The following SYT16 variants were observed in gnomAD, a reference collection of about 807,000 sequenced individuals.
SYT16 encodes the protein synaptotagmin-16.
SYT16 carries 42 observed loss-of-function variants against 61.4 expected under a neutral mutation model. The observed-to-expected ratio is 0.68, with a 90% CI of 0.53 to 0.89. The LOEUF (loss-of-function observed/expected upper bound fraction) is 0.89. Ranked by LOEUF, SYT16 falls within the 40% of genes least tolerant of loss-of-function variation. SYT16 has a pLI of 0.00. For synonymous variants in SYT16, 314 were observed against 302.3 expected, an observed-to-expected ratio of 1.04 and a Z score of -0.40; for missense variants, 804 against 807.3, an observed-to-expected ratio of 1.00 and a Z score of 0.05.
chr14:61,860,087 C>T (rs2046918964), intron 1 of SYT16, among the ~76,000 whole-genome samples: 1 of 152,094 alleles, frequency 6.6e-6, no homozygotes, highest in African/African-American at 2.4e-5. Context: ...TGGTTCAGTA[C>T]GTTTTAATGG....
chr14:62,069,937 G>T (rs530799303), intron 4 of SYT16, 122 bp downstream of exon 4: 57 of 1,146,624 alleles, frequency 5.0e-5, no homozygotes, highest in Middle Eastern at 5.9e-4. Context: ...AATGAGGCAG[G>T]ATGCATTACG....
Position 62,084,186 on chromosome 14 carries a change from T to G in SYT16, c.1435-10T>G, listed in dbSNP as rs754346792. ...GGGCCAATGGATTCTTTGTTGTTCT[T>G]CCCCTCCAGAGTGGAGGGTCTCCGC... On this transcript the variant is annotated splice_polypyrimidine_tract_variant and intron_variant, in intron 6 of 7. Transcript: ENST00000683842. 1 of 1,610,620 alleles carries G rather than the reference T, an allele frequency of 6.2e-7. No individual in the cohort carries two copies. Among genetic ancestry groups the G allele is most frequent in the South Asian group, 1.1e-5 (1 of 90,588 alleles).
Position 61,813,949 on chromosome 14 carries a change from T to G in SYT16, c.-325+1139T>G, listed in dbSNP as rs543115633. 8.7e-4 allele frequency among the ~76,000 whole-genome samples: 132 copies of G among 151,942 alleles called. 1 individual carries two copies. The highest frequency in any genetic ancestry group is 3.1e-3 in the African/African-American group (129 of 41,462). ...TTTAGGATAGTGTGGAGAGCTTGAG[T>G]TTTTGTAGTCAAACAGACCTGTATT... On this transcript the variant is annotated intron_variant, in intron 1 of 7. Coordinates refer to ENST00000683842, the MANE Select transcript of SYT16 (RefSeq NM_001367656.1).
At chr14:62,060,052 G>T (rs1454044631) in intron 3 of SYT16, among the ~76,000 whole-genome samples, 4 of 152,006 alleles carry the variant, frequency 2.6e-5, no homozygotes, top group Non-Finnish European at 5.9e-5. Context: ...TCAGATAGGT[G>T]GGTCCCCCTA....
At chr14:61,891,287 C>T (rs140613011) in intron 1 of SYT16, among the ~76,000 whole-genome samples, 2 of 151,512 alleles carry the variant, frequency 1.3e-5, no homozygotes, top group Non-Finnish European at 2.9e-5. Context: ...ATCCATCTCT[C>T]TCTTGCTTTT....
chr14:61,813,537 A>G (rs1259649329), intron 1 of SYT16, among the ~76,000 whole-genome samples: 1 of 152,230 alleles, frequency 6.6e-6, no homozygotes. Context: ...GAGTAAAACC[A>G]AGTCACACCT....
chr14:61,823,032 G>T (rs370743208), intron 1 of SYT16, among the ~76,000 whole-genome samples: 1 of 151,506 alleles, frequency 6.6e-6, no homozygotes. Flanking sequence ...CATTTTTGTC[G>T]CCCAGGTTGG....
intron 3 of SYT16, among the ~76,000 whole-genome samples, chr14:62,030,656 G>T (rs1226802463): frequency 6.6e-6 from 1 of 152,148 alleles, no homozygotes; most frequent in Non-Finnish European, 1.5e-5. Flanking sequence ...TAGGTATAAA[G>T]GTTTTTGTTT....
At chr14:62,080,771 C>G in intron 5 of SYT16, 63 bp from the exon 6 acceptor site, 1 of 1,516,162 alleles carries the variant, frequency 6.6e-7, no homozygotes, top group South Asian at 1.3e-5. Flanking sequence ...GGGGCACCAA[C>G]TGGCCAAAAT....
chr14:61,974,216 G>A (rs2051687511), intron 2 of SYT16, among the ~76,000 whole-genome samples: 2 of 152,134 alleles, frequency 1.3e-5, no homozygotes. Context: ...GATAGCAGAG[G>A]AATGAGTCAA....
chr14:62,041,087 G>A (rs1398668402), intron 3 of SYT16, among the ~76,000 whole-genome samples: 1 of 152,080 alleles, frequency 6.6e-6, no homozygotes, highest in Non-Finnish European at 1.5e-5. Context: ...GGAAGCATCC[G>A]GCATGGGAGA....
chr14:62,063,721 A>C (rs570609098), intron 3 of SYT16, among the ~76,000 whole-genome samples: 1 of 148,378 alleles, frequency 6.7e-6, no homozygotes, highest in East Asian at 2.0e-4. Context: ...AATGATTAAA[A>C]ATTAGAGAGA....
Position 62,040,313 on chromosome 14 carries a change from AAGAG to A in SYT16, c.524-29286_524-29283del, listed in dbSNP as rs1245384237. ...GAAAATCAAGATATTGTTACTGAAA[AAGAG>A]AGAAAGATGCTAGAGGGTCAAAGTT... On this transcript the variant is annotated intron_variant, in intron 3 of 7. Coordinates refer to ENST00000683842, the MANE Select transcript of SYT16 (RefSeq NM_001367656.1). Among the ~76,000 whole-genome samples, 5 of 152,312 alleles carry A rather than the reference AAGAG, an allele frequency of 3.3e-5. No homozygotes were observed. In the East Asian group the frequency reaches 9.6e-4, roughly 29 times the overall value.
chr14:61,997,072 A>T lies in SYT16; in HGVS notation c.523+530A>T, dbSNP rs1460538688. Reference sequence around the variant, plus strand: ...TGATTTTCTTTTAGCTCTGAATGGTAAGGACACATTTAATAAAAACTGCCT... The same window carrying T: ...TGATTTTCTTTTAGCTCTGAATGGTTAGGACACATTTAATAAAAACTGCCT... On this transcript the variant is annotated intron_variant, in intron 3 of 7. Transcript: ENST00000683842. 5.3e-5 allele frequency among the ~76,000 whole-genome samples: 8 copies of T among 152,188 alleles called. 1 individual carries two copies. In the East Asian group the frequency reaches 1.5e-3, roughly 29 times the overall value.
chr14:61,837,069 G>A (rs2046152938), intron 1 of SYT16, among the ~76,000 whole-genome samples: 1 of 152,062 alleles, frequency 6.6e-6, no homozygotes, highest in Admixed American at 6.6e-5. Context: ...GTTTGACATT[G>A]AGCTTATCTT....
intron 3 of SYT16, among the ~76,000 whole-genome samples, chr14:62,011,497 C>G (rs886090914): frequency 6.6e-6 from 1 of 152,172 alleles, no homozygotes. Flanking sequence ...CTTTAGCAAT[C>G]TCTGAAGCCA....
intron 1 of SYT16, among the ~76,000 whole-genome samples, chr14:61,823,644 C>G (rs549263668): frequency 1.3e-5 from 2 of 150,562 alleles, no homozygotes; most frequent in South Asian, 4.2e-4. Context: ...CCTAGGTACT[C>G]GGGAGGATGA....
chr14:61,815,608 A>G (rs188135285), intron 1 of SYT16, among the ~76,000 whole-genome samples: 4 of 152,344 alleles, frequency 2.6e-5, no homozygotes, highest in Non-Finnish European at 5.9e-5. Context: ...AGCCAATAGA[A>G]AATGTTCTTA....
chr14:61,920,732 A>G (rs963513109), intron 1 of SYT16, among the ~76,000 whole-genome samples: 1 of 152,180 alleles, frequency 6.6e-6, no homozygotes, highest in Non-Finnish European at 1.5e-5. Context: ...CAGCCATACA[A>G]ATAGTTGACT....
Sources: allele counts gnomAD v4.1 joint callset (sites outside exome capture counted in the v4.1 genomes callset), GRCh38; gene constraint gnomAD v4.1.1; transcripts MANE v1.5; gene names NCBI Gene and HGNC (gene_info 2026-07-23, HGNC 2026-07-21).